The following SPACA7 variants were observed in gnomAD, a reference collection of about 807,000 sequenced individuals.
SPACA7 encodes sperm acrosome-associated protein 7.
In SPACA7, 19 loss-of-function variants were observed where a neutral mutation model predicts 26.3. The ratio of observed to expected loss-of-function variants is 0.72; its 90% CI spans 0.50 to 1.06. The LOEUF (loss-of-function observed/expected upper bound fraction) is 1.06, where lower values mean the gene tolerates loss of function less well. Ranked by LOEUF, SPACA7 falls within the 50% of genes least tolerant of loss-of-function variation. SPACA7 has a pLI of 0.00. For synonymous variants in SPACA7, 84 were observed against 84.5 expected, an observed-to-expected ratio of 0.99 and a Z score of 0.04; for missense variants, 211 against 229.9, an observed-to-expected ratio of 0.92 and a Z score of 0.53.
chr13:112,383,120 GAAAAGAAAGAAAGAAAGAAA>G (rs1884245058), intron 1 of SPACA7, among the ~76,000 whole-genome samples: 4 of 11,104 alleles, frequency 3.6e-4, no homozygotes, highest in African/African-American at 6.4e-4. Context: ...GAAAAGAAAA[GAAAAGAAAGAAAGAAAGAAA>G]GAAAGAAAGA....
chr13:112,405,168 G>A (rs925404692), intron 5 of SPACA7, among the ~76,000 whole-genome samples: 1 of 151,560 alleles, frequency 6.6e-6, no homozygotes, highest in Non-Finnish European at 1.5e-5. Flanking sequence ...ATTTTTAGTA[G>A]AGACGGGGTT....
chr13:112,401,568 GTTTATAATTTTTCAT>G (rs1566470323), intron 5 of SPACA7, among the ~76,000 whole-genome samples: 1 of 152,056 alleles, frequency 6.6e-6, no homozygotes. Context: ...TTTTGACTAC[GTTTATAATTTTTCAT>G]GCAAAAAAAG....
intron 4 of SPACA7, among the ~76,000 whole-genome samples, chr13:112,399,878 G>T (rs1202292847): frequency 6.6e-6 from 1 of 152,156 alleles, no homozygotes; most frequent in Non-Finnish European, 1.5e-5. Flanking sequence ...GACCCTAGAG[G>T]AAGCAAGTAC....
At chr13:112,407,760 C>T (rs757973879) in intron 5 of SPACA7, among the ~76,000 whole-genome samples, 12 of 152,166 alleles carry the variant, frequency 7.9e-5, no homozygotes, top group East Asian at 1.9e-4. Flanking sequence ...CAGGACCAGA[C>T]GGATTCACAG....
chr13:112,401,939 C>T (rs1885671742), intron 5 of SPACA7, among the ~76,000 whole-genome samples: 1 of 152,238 alleles, frequency 6.6e-6, no homozygotes, highest in Non-Finnish European at 1.5e-5. Flanking sequence ...CAGTCCTCTA[C>T]TAAGGGGCCA....
chr13:112,401,028 C>G (rs1430644133), intron 4 of SPACA7, 41 bp from the exon 5 acceptor site: 1 of 1,465,058 alleles, frequency 6.8e-7, no homozygotes, highest in African/African-American at 1.4e-5. Context: ...AGTGTGTAAT[C>G]AAGGACATTT....
chr13:112,431,429 C>G (rs1877126878), intron 5 of SPACA7, among the ~76,000 whole-genome samples: 1 of 152,154 alleles, frequency 6.6e-6, no homozygotes. Context: ...CAGTTTAAGA[C>G]TTTGGGACCT....
intron 5 of SPACA7, among the ~76,000 whole-genome samples, chr13:112,409,141 C>G (rs1886180829): frequency 6.6e-6 from 1 of 152,130 alleles, no homozygotes; most frequent in Non-Finnish European, 1.5e-5. Context: ...ATAAATGGTG[C>G]TGGGAAAACT....
chr13:112,394,863 T>A (rs1885134162), intron 2 of SPACA7, among the ~76,000 whole-genome samples: 2 of 151,938 alleles, frequency 1.3e-5, no homozygotes, highest in Admixed American at 1.3e-4. Context: ...TGGCTGGCGT[T>A]TCTGATATTT....
chr13:112,378,827 T>C (rs1883862034), intron 1 of SPACA7: 1 of 460,950 alleles, frequency 2.2e-6, no homozygotes, highest in Admixed American at 2.4e-5. Flanking sequence ...GACATTCCAG[T>C]CAAAGCCTTG....
intron 1 of SPACA7, among the ~76,000 whole-genome samples, chr13:112,387,551 C>T (rs1203713536): frequency 6.6e-6 from 1 of 152,218 alleles, no homozygotes; most frequent in Non-Finnish European, 1.5e-5. Flanking sequence ...TGCAGAGAGA[C>T]AAATAGTTTA....
intron 1 of SPACA7, chr13:112,382,464 T>C: frequency 1.3e-6 from 2 of 1,550,292 alleles, no homozygotes. Context: ...TCTGGCTTCT[T>C]CCCACTGACA....
At chr13:112,432,175 AAGAGAAAACAC>A (rs1877214579) in intron 5 of SPACA7, among the ~76,000 whole-genome samples, 3 of 152,290 alleles carry the variant, frequency 2.0e-5, no homozygotes, top group Non-Finnish European at 2.9e-5. Flanking sequence ...TAAGAGTGTA[AAGAGAAAACAC>A]AGAGAAAGCA....
intron 1 of SPACA7, chr13:112,382,437 G>A: frequency 3.2e-6 from 5 of 1,549,864 alleles, no homozygotes; most frequent in Non-Finnish European, 4.4e-6. Context: ...GTGAAGATGG[G>A]AAAAGGCTGT....
At chr13:112,417,133 T>C (rs752624686) in intron 5 of SPACA7, among the ~76,000 whole-genome samples, 14 of 152,188 alleles carry the variant, frequency 9.2e-5, no homozygotes, top group Non-Finnish European at 1.8e-4. Context: ...TTTTCCCAGA[T>C]ACAAAATGGA....
intron 5 of SPACA7, among the ~76,000 whole-genome samples, chr13:112,414,685 T>C (rs1223453249): frequency 1.3e-5 from 2 of 152,186 alleles, no homozygotes; most frequent in African/African-American, 4.8e-5. Flanking sequence ...GTGCTGGGAT[T>C]ACAGGTGTGA....
intron 5 of SPACA7, among the ~76,000 whole-genome samples, chr13:112,411,861 T>C (rs189092470): frequency 1.3e-5 from 2 of 152,316 alleles, no homozygotes; most frequent in East Asian, 3.9e-4. Context: ...ACACTTACGT[T>C]GATACCACGT....
Position 112,410,278 on chromosome 13 carries a change from A to G in SPACA7, c.445+9114A>G, listed in dbSNP as rs150374584. Among the ~76,000 whole-genome samples the G allele has an allele frequency of 6.7e-3, 1,015 of 152,204 alleles. 7 individuals carry two copies. Among genetic ancestry groups the G allele is most frequent in the Non-Finnish European group, 0.011 (732 of 67,992 alleles). ...TATACCTAATGTAAATGATGAGTTA[A>G]TGGGTGCAGCACACCAACATGATGC... On this transcript the variant is annotated intron_variant, in intron 5 of 6. Coordinates refer to ENST00000283550, the MANE Select transcript of SPACA7 (RefSeq NM_145248.5).
At chr13:112,414,924 A>G (rs938465117) in intron 5 of SPACA7, among the ~76,000 whole-genome samples, 2 of 152,152 alleles carry the variant, frequency 1.3e-5, no homozygotes, top group East Asian at 1.9e-4. Flanking sequence ...CAGTCATCAC[A>G]TGGGCTTTGT....
Sources: gnomAD v4.1 joint callset for allele counts (sites outside exome capture counted in the v4.1 genomes callset) on GRCh38, gnomAD v4.1.1 for gene constraint, MANE v1.5 for transcripts, NCBI Gene and HGNC (gene_info 2026-07-23, HGNC 2026-07-21) for gene names.